Variants in SCN1A observed in about 807,000 individuals in gnomAD.
The protein encoded by SCN1A is sodium voltage-gated channel alpha subunit 1.
In SCN1A, 13 loss-of-function variants were observed where a neutral mutation model predicts 193.7. The observed-to-expected ratio is 0.07, with a 90% CI of 0.04 to 0.11. The LOEUF (loss-of-function observed/expected upper bound fraction) is 0.11, where lower values mean the gene tolerates loss of function less well. Among genes scored for constraint, SCN1A ranks in the 10% least tolerant of loss-of-function variants. The probability of loss-of-function intolerance (pLI) is 1.00; values close to 1 mark genes in which losing one functional copy is unlikely to be tolerated. For missense variants in SCN1A, 1,432 were observed against 2,451.1 expected, an observed-to-expected ratio of 0.58 and a Z score of 8.78; for synonymous variants, 781 against 843.6, an observed-to-expected ratio of 0.93 and a Z score of 1.29.
intron 2 of SCN1A, among the ~76,000 whole-genome samples, chr2:166,096,532 G>A (rs1024645492): frequency 1.7e-4 from 26 of 152,158 alleles, no homozygotes; most frequent in African/African-American, 2.7e-4. Context: ...CACCCACCTC[G>A]GCCTCCCAAA....
chr2:166,055,179 C>G (rs892710967), intron 6 of SCN1A, among the ~76,000 whole-genome samples: 1 of 126,660 alleles, frequency 7.9e-6, no homozygotes. Flanking sequence ...AGGAAACTGA[C>G]AAATTAGCAC....
intron 2 of SCN1A, among the ~76,000 whole-genome samples, chr2:166,112,241 A>G (rs551848878): frequency 6.6e-6 from 1 of 152,136 alleles, no homozygotes; most frequent in Non-Finnish European, 1.5e-5. Flanking sequence ...AGTCATCTCA[A>G]CCTTCAGCAA....
At position 165,991,493 on chromosome 2, in the gene SCN1A, G is replaced by C. The variant is rs121917956; in HGVS notation, c.5782C>G (p.Arg1928Gly). ...SAVIIQRAYR[R>G]HLLKRTVKQA... ...TTTACAGTTCGCTTTAAAAGGTGGC[G>C]TCTGTAAGCACGCTGAATAATGACA... The change falls in exon 29 of 29, where the codon CGC becomes GGC. Residue 1928 changes from arginine (R) to glycine (G), a missense_variant. By Grantham distance (125) the Arg-to-Gly change is moderately radical (BLOSUM62 -2). Transcript: ENST00000674923. 2,468 of 1,613,854 alleles carry C rather than the reference G, an allele frequency of 1.5e-3. 4 individuals carry two copies. Among genetic ancestry groups the C allele is most frequent in the Admixed American group, 4.3e-3 (258 of 59,960 alleles).
intron 2 of SCN1A, among the ~76,000 whole-genome samples, chr2:166,116,595 CCCAGAA>C (rs1472005043): frequency 7.7e-3 from 19 of 2,478 alleles, no homozygotes; most frequent in African/African-American, 0.012. Flanking sequence ...GATTCAGTGT[CCCAGAA>C]TCTGATGAAT....
upstream of SCN1A, among the ~76,000 whole-genome samples, chr2:166,129,208 C>T (rs1006599621): frequency 1.3e-5 from 2 of 152,108 alleles, no homozygotes; most frequent in Non-Finnish European, 2.9e-5. Flanking sequence ...GAGGTTTATT[C>T]AAGACCACAT....
intron 17 of SCN1A, 119 bp downstream of exon 17, chr2:166,039,304 G>T: frequency 9.8e-7 from 1 of 1,015,900 alleles, no homozygotes; most frequent in Non-Finnish European, 1.5e-6. Context: ...CAATGCAAAT[G>T]TTACAGAAAA....
intron 3 of SCN1A, among the ~76,000 whole-genome samples, chr2:166,075,862 G>A (rs530226734): frequency 6.6e-6 from 1 of 151,680 alleles, no homozygotes; most frequent in Non-Finnish European, 1.5e-5. Flanking sequence ...AATCTGACAG[G>A]GACAAAGATG....
rs1478705976 is a variant in SCN1A at position 165,991,181 on chromosome 2, A to G, written c.*64T>C. The G allele has an allele frequency of 3.4e-6, 5 of 1,455,992 alleles. No homozygotes were observed. Among genetic ancestry groups the G allele is most frequent in the Admixed American group, 2.0e-5 (1 of 50,762 alleles). 90.2% of individuals were successfully genotyped at this position (1,455,992 alleles called of 1,614,324 possible). A position where few individuals can be genotyped will look rare whatever the true frequency, so the allele number is the denominator to read the frequency against. ...GACCTCCTAAAGGAGTCCTGTTGATAAAAATACATCACCTTCACAGGCTGT... is the reference window on the plus strand; with the variant it reads ...GACCTCCTAAAGGAGTCCTGTTGATGAAAATACATCACCTTCACAGGCTGT... On this transcript the variant is annotated 3_prime_UTR_variant, in exon 29 of 29. Coordinates refer to ENST00000674923, the MANE Select transcript of SCN1A (RefSeq NM_001165963.4).
rs1688728931 is a variant in SCN1A at position 165,988,215 on chromosome 2, T to A, written c.*3030A>T. On this transcript the variant is annotated 3_prime_UTR_variant, in exon 29 of 29. Coordinates refer to ENST00000674923, the MANE Select transcript of SCN1A (RefSeq NM_001165963.4). Reference sequence around the variant, plus strand: ...TGGACTTCACTGTGGTTCCCCCAGTTACTGTTTTTCTTTATCTGCAAAAGT... The same window carrying A: ...TGGACTTCACTGTGGTTCCCCCAGTAACTGTTTTTCTTTATCTGCAAAAGT... The A allele has an allele frequency of 6.6e-6, 1 of 152,044 alleles. No homozygotes were observed. The highest frequency in any genetic ancestry group is 2.4e-5 in the African/African-American group (1 of 41,410). The allele number at this position is 152,044 out of a possible 1,614,324, so 9.4% of individuals were successfully genotyped here. A position where few individuals can be genotyped will look rare whatever the true frequency, so the allele number is the denominator to read the frequency against.
rs1461011805 is a variant in SCN1A, at chr2:165,987,915, T to A, written c.*3330A>T. 2 of 152,100 alleles carry A rather than the reference T, an allele frequency of 1.3e-5. No individual in the cohort carries two copies. Among genetic ancestry groups the A allele is most frequent in the African/African-American group, 2.4e-5 (1 of 41,422 alleles). 9.4% of individuals were successfully genotyped at this position (152,100 alleles called of 1,614,324 possible). ...GACCTACCTTAGTTGGAAATGGGAA[T>A]TTTTTTCAGCTACTAATATATCAGA... On this transcript the variant is annotated 3_prime_UTR_variant, in exon 29 of 29. Coordinates refer to ENST00000674923, the MANE Select transcript of SCN1A (RefSeq NM_001165963.4).
At chr2:166,129,420 T>C (rs931299860), upstream of SCN1A, among the ~76,000 whole-genome samples, 5 of 152,238 alleles carry the variant, frequency 3.3e-5, no homozygotes, top group African/African-American at 1.2e-4. Flanking sequence ...CATCTTTTTA[T>C]CTATAAAAGA....
chr2:166,001,056 T>G (rs1690762295), intron 24 of SCN1A, among the ~76,000 whole-genome samples: 1 of 151,808 alleles, frequency 6.6e-6, no homozygotes, highest in South Asian at 2.1e-4. Flanking sequence ...TTTACAAGTA[T>G]GGTCATTAGT....
chr2:166,075,518 C>T (rs949269055), intron 3 of SCN1A, among the ~76,000 whole-genome samples: 1 of 152,014 alleles, frequency 6.6e-6, no homozygotes, highest in Admixed American at 6.6e-5. Flanking sequence ...GTACCTATTA[C>T]TGGCTACATG....
At chr2:166,014,642 C>CAA (rs77406188) in intron 20 of SCN1A, among the ~76,000 whole-genome samples, 29 of 67,374 alleles carry the variant, frequency 4.3e-4, no homozygotes, top group African/African-American at 1.2e-3. Flanking sequence ...TGCTCCAAGG[C>CAA]AAAAAAAAAA....
At chr2:166,094,302 A>G (rs989232159) in intron 2 of SCN1A, among the ~76,000 whole-genome samples, 1 of 152,210 alleles carries the variant, frequency 6.6e-6, no homozygotes, top group African/African-American at 2.4e-5. Flanking sequence ...TCACTGAGCC[A>G]CTTAATGAGT....
chr2:166,107,084 C>T (rs1202242305), intron 2 of SCN1A, among the ~76,000 whole-genome samples: 1 of 152,034 alleles, frequency 6.6e-6, no homozygotes, highest in Non-Finnish European at 1.5e-5. Flanking sequence ...ATTCTTTGCC[C>T]TTAACTACTT....
chr2:166,036,416 T>G lies in SCN1A; in HGVS notation c.3061A>C (p.Lys1021Gln). ...NLQIAVDRMH[K>Q]GVAYVKRKIY... Reference sequence around the variant, plus strand: ...TTTCTTTTCACATAAGCTACTCCTTTGTGCATCCTATCCACAGCAATTTGG... The same window carrying G: ...TTTCTTTTCACATAAGCTACTCCTTGGTGCATCCTATCCACAGCAATTTGG... Residue 1021 changes from lysine (K) to glutamine (Q), a missense_variant, in exon 19 of 29, where the codon AAA becomes CAA. This residue lies in a region of SCN1A where 198 missense variants were observed against 225.8 expected (regional missense o/e 0.88). Coordinates refer to ENST00000674923, the MANE Select transcript of SCN1A (RefSeq NM_001165963.4). 1 of 1,603,656 alleles carries G rather than the reference T, an allele frequency of 6.2e-7. No homozygotes were observed. Among genetic ancestry groups the G allele is most frequent in the Middle Eastern group, 1.7e-4 (1 of 5,976 alleles).
intron 2 of SCN1A, among the ~76,000 whole-genome samples, chr2:166,105,077 G>A (rs1688544815): frequency 6.6e-6 from 1 of 152,150 alleles, no homozygotes; most frequent in Non-Finnish European, 1.5e-5. Context: ...TGCTATAGAG[G>A]AAAAAGTGTG....
intron 2 of SCN1A, among the ~76,000 whole-genome samples, chr2:166,087,937 T>A (rs1044595802): frequency 6.6e-6 from 1 of 152,178 alleles, no homozygotes; most frequent in Non-Finnish European, 1.5e-5. Flanking sequence ...GAAATTTAGG[T>A]ATTCCTGATT....
Sources: allele counts gnomAD v4.1 joint callset (sites outside exome capture counted in the v4.1 genomes callset), GRCh38; gene constraint gnomAD v4.1.1; regional missense constraint gnomAD v4.1.1; transcripts MANE v1.5; gene names NCBI Gene and HGNC (gene_info 2026-07-23, HGNC 2026-07-21).